RIT2: variants seen among roughly 807,000 people sequenced by gnomAD.
The protein encoded by RIT2 is Ras like without CAAX 2, also known as GTP-binding protein Rit2.
Under a neutral mutation model 23.7 loss-of-function variants are expected in RIT2, and 24 were observed. The ratio of observed to expected loss-of-function variants is 1.01; its 90% CI spans 0.73 to 1.43. The LOEUF is 1.43. RIT2 is among the 40% of genes most tolerant of loss of function. RIT2 has a pLI of 0.00. For missense variants in RIT2, 236 were observed against 266.9 expected (o/e 0.88, Z 0.81); for synonymous variants, 107 against 91.1 (o/e 1.17, Z -0.99).
chr18:42,819,241 A>C (rs187402743), intron 4 of RIT2, among the ~76,000 whole-genome samples: 1 of 145,634 alleles, frequency 6.9e-6, no homozygotes, highest in Admixed American at 6.7e-5. Flanking sequence ...ATTCACCAAT[A>C]GGATTATGCA....
intron 4 of RIT2, among the ~76,000 whole-genome samples, chr18:42,857,086 C>T (rs11662542): frequency 8.6e-5 from 13 of 151,864 alleles, no homozygotes; most frequent in African/African-American, 1.2e-4. Flanking sequence ...TTCCAAAGTG[C>T]TCGGATTACT....
intron 4 of RIT2, among the ~76,000 whole-genome samples, chr18:42,829,647 C>T (rs1399095052): frequency 2.6e-5 from 4 of 152,182 alleles, no homozygotes; most frequent in Middle Eastern, 3.4e-3. Context: ...TGCTATGTTT[C>T]TTAAAAGTCA....
At chr18:43,013,157 T>C (rs933269447) in intron 2 of RIT2, among the ~76,000 whole-genome samples, 6 of 151,958 alleles carry the variant, frequency 3.9e-5, no homozygotes, top group East Asian at 3.9e-4. Context: ...TTTTGAAAGG[T>C]TGCAACATCA....
At chr18:42,827,927 C>A (rs1357690993) in intron 4 of RIT2, among the ~76,000 whole-genome samples, 1 of 149,402 alleles carries the variant, frequency 6.7e-6, no homozygotes, top group African/African-American at 2.5e-5. Flanking sequence ...ATGGTGCGAA[C>A]CCGGGAGGCG....
rs533824299 is a variant in RIT2, at chr18:42,891,278, C to T, written c.426+32294G>A. Among the ~76,000 whole-genome samples the T allele has an allele frequency of 5.9e-5, 9 of 152,242 alleles. No individual in the cohort carries two copies. In the South Asian group the frequency reaches 1.9e-3, roughly 32 times the overall value. ...AATAGCAACTTGAAGGTACATCAAA[C>T]CATCTAGATATTCACATTCTTTCAC... On this transcript the variant is annotated intron_variant, in intron 4 of 4. Coordinates refer to ENST00000326695, the MANE Select transcript of RIT2 (RefSeq NM_002930.4).
At chr18:42,879,435 G>A (rs1404017152) in intron 4 of RIT2, among the ~76,000 whole-genome samples, 1 of 152,042 alleles carries the variant, frequency 6.6e-6, no homozygotes, top group Non-Finnish European at 1.5e-5. Flanking sequence ...TTAAGGCATT[G>A]CTTCACTGTT....
At chr18:42,880,002 G>A (rs907505174) in intron 4 of RIT2, among the ~76,000 whole-genome samples, 1 of 152,160 alleles carries the variant, frequency 6.6e-6, no homozygotes, top group African/African-American at 2.4e-5. Flanking sequence ...GGGCTAGCTT[G>A]TAATATATAG....
intron 1 of RIT2, among the ~76,000 whole-genome samples, chr18:43,035,167 CAAAGA>C (rs1213551717): frequency 1.7e-4 from 26 of 152,256 alleles, no homozygotes; most frequent in Non-Finnish European, 3.1e-4. Context: ...CTGAGAAAAG[CAAAGA>C]AATGGAAACT....
intron 1 of RIT2, among the ~76,000 whole-genome samples, chr18:43,036,454 C>A (rs942182827): frequency 9.2e-5 from 14 of 152,110 alleles, no homozygotes; most frequent in African/African-American, 2.2e-4. Flanking sequence ...GCAGGAGAAT[C>A]ACTTGAACCT....
intron 4 of RIT2, among the ~76,000 whole-genome samples, chr18:42,829,758 A>G (rs1223336971): frequency 6.6e-6 from 1 of 152,214 alleles, no homozygotes; most frequent in Non-Finnish European, 1.5e-5. Flanking sequence ...GATGTGGATT[A>G]AAAAGTAATT....
In RIT2 at chr18:42,893,875, T is replaced by A. The variant is rs183850925; in HGVS notation, c.426+29697A>T. Among the ~76,000 whole-genome samples, 1,059 of 152,278 alleles carry A rather than the reference T, an allele frequency of 7.0e-3. 8 individuals carry two copies. The highest frequency in any genetic ancestry group is 0.023 in the African/African-American group (960 of 41,550). ...ACCCTTAGTTAAAACTCATTTTTTT[T>A]AAAAAAGTGGCTTAACTCACAAGAT... On this transcript the variant is annotated intron_variant, in intron 4 of 4. Coordinates refer to ENST00000326695, the MANE Select transcript of RIT2 (RefSeq NM_002930.4).
intron 4 of RIT2, among the ~76,000 whole-genome samples, chr18:42,806,633 A>C (rs1905692796): frequency 6.6e-6 from 1 of 152,174 alleles, no homozygotes; most frequent in South Asian, 2.1e-4. Flanking sequence ...AATCAGTGTA[A>C]ATGTCCGCAC....
chr18:42,817,969 C>T (rs1195889726), intron 4 of RIT2, among the ~76,000 whole-genome samples: 6 of 151,526 alleles, frequency 4.0e-5, no homozygotes, highest in Non-Finnish European at 2.9e-5. Flanking sequence ...TAATAATATA[C>T]AGATTTATTT....
intron 1 of RIT2, among the ~76,000 whole-genome samples, chr18:43,048,680 CA>C (rs771565188): frequency 6.6e-6 from 1 of 152,102 alleles, no homozygotes; most frequent in Non-Finnish European, 1.5e-5. Context: ...TGGAATGACT[CA>C]AATGATTTGT....
chr18:42,893,772 A>C (rs1908247305), intron 4 of RIT2, among the ~76,000 whole-genome samples: 1 of 152,212 alleles, frequency 6.6e-6, no homozygotes, highest in Non-Finnish European at 1.5e-5. Context: ...AGAGAGAGTC[A>C]AAAATAGAAC....
intron 1 of RIT2, among the ~76,000 whole-genome samples, chr18:43,050,512 A>G (rs1912354273): frequency 6.6e-6 from 1 of 152,012 alleles, no homozygotes; most frequent in African/African-American, 2.4e-5. Flanking sequence ...TTTGGTATAT[A>G]TTGGTTTGCG....
chr18:42,813,572 T>C (rs1905910653), intron 4 of RIT2, among the ~76,000 whole-genome samples: 1 of 152,226 alleles, frequency 6.6e-6, no homozygotes, highest in Non-Finnish European at 1.5e-5. Flanking sequence ...ACTGAGCATC[T>C]ACAAAGATAG....
chr18:42,798,473 T>A (rs1241210573), intron 4 of RIT2, among the ~76,000 whole-genome samples: 1 of 152,228 alleles, frequency 6.6e-6, no homozygotes, highest in Non-Finnish European at 1.5e-5. Context: ...TCCAATAGTT[T>A]ATAATAATAT....
At chr18:43,010,693 T>C (rs1410983678) in intron 2 of RIT2, among the ~76,000 whole-genome samples, 3 of 151,822 alleles carry the variant, frequency 2.0e-5, no homozygotes, top group Non-Finnish European at 4.4e-5. Flanking sequence ...ATTTATTTAA[T>C]TGAAAAACTT....
Sources: allele counts gnomAD v4.1 joint callset (sites outside exome capture counted in the v4.1 genomes callset), GRCh38; gene constraint gnomAD v4.1.1; transcripts MANE v1.5; gene names NCBI Gene and HGNC (gene_info 2026-07-23, HGNC 2026-07-21).